Variants in PPP6R3 observed in about 807,000 individuals in gnomAD.
PPP6R3 encodes serine/threonine-protein phosphatase 6 regulatory subunit 3.
In PPP6R3, 38 loss-of-function variants were observed where a neutral mutation model predicts 110.7. The observed-to-expected ratio is 0.34, with a 90% CI of 0.26 to 0.45. The LOEUF is 0.45. PPP6R3 is among the 20% of genes least tolerant of loss of function. PPP6R3 has a pLI of 1.00. For synonymous variants in PPP6R3, 369 were observed against 373.5 expected, an observed-to-expected ratio of 0.99 and a Z score of 0.14; for missense variants, 870 against 1,062.4, an observed-to-expected ratio of 0.82 and a Z score of 2.52.
intron 19 of PPP6R3, among the ~76,000 whole-genome samples, chr11:68,599,614 C>CT (rs1566126020): frequency 1.3e-5 from 2 of 152,162 alleles, no homozygotes; most frequent in Non-Finnish European, 1.5e-5. Context: ...TCAACATGTT[C>CT]TTTTTTTAGA....
chr11:68,595,740 T>A (rs1385102798), intron 18 of PPP6R3, among the ~76,000 whole-genome samples: 1 of 152,202 alleles, frequency 6.6e-6, no homozygotes, highest in Non-Finnish European at 1.5e-5. Context: ...ACAGTTAAGA[T>A]ATAAGATGGC....
At position 68,596,194 on chromosome 11, in the gene PPP6R3, A is replaced by T; in HGVS notation, c.2014A>T (p.Lys672Ter). ...ACCCAGCAGTGCCAACACGGAGGATAAAATGGAGGTGGACCTGAGTGAACG... is the reference window on the plus strand; with the variant it reads ...ACCCAGCAGTGCCAACACGGAGGATTAAATGGAGGTGGACCTGAGTGAACG... ...FEPSSANTED[K>*]MEVDLSEPPN... The change falls in exon 19 of 24, where the codon AAA becomes TAA. Residue 672 changes from lysine to a stop codon, truncating the protein, a stop_gained. Coordinates refer to ENST00000393800, the MANE Select transcript of PPP6R3 (RefSeq NM_001164161.2). LOFTEE classifies it high-confidence loss of function. 6.2e-7 allele frequency: 1 copy of T among 1,614,260 alleles called. No homozygotes were observed. The highest frequency in any genetic ancestry group is 8.5e-7 in the Non-Finnish European group (1 of 1,180,042).
At chr11:68,575,360 A>G (rs1198857184) in intron 13 of PPP6R3, among the ~76,000 whole-genome samples, 1 of 152,178 alleles carries the variant, frequency 6.6e-6, no homozygotes, top group East Asian at 1.9e-4. Context: ...ACATTTCTCT[A>G]GAAGGTAGAA....
chr11:68,464,962 A>G (rs1434771178), intron 1 of PPP6R3, among the ~76,000 whole-genome samples: 1 of 150,810 alleles, frequency 6.6e-6, no homozygotes, highest in East Asian at 1.9e-4. Flanking sequence ...GCTCACTGCA[A>G]CCTCCGCCTC....
rs375718837 is a variant in PPP6R3 at position 68,551,440 on chromosome 11, G to A, written c.618+254G>A. On this transcript the variant is annotated intron_variant, in intron 6 of 23. Coordinates refer to ENST00000393800, the MANE Select transcript of PPP6R3 (RefSeq NM_001164161.2). ...CTCCTTTCTAGAGCCGGTATTTCAT[G>A]CTGAACCAGCTGGTTTTTGTACAAA... Among the ~76,000 whole-genome samples, 37 of 152,258 alleles carry A rather than the reference G, an allele frequency of 2.4e-4. 1 individual carries two copies. The South Asian group carries it at 6.4e-3, about 26-fold the overall frequency.
chr11:68,479,763 G>T (rs1247854560), intron 1 of PPP6R3, among the ~76,000 whole-genome samples: 1 of 151,048 alleles, frequency 6.6e-6, no homozygotes, highest in Non-Finnish European at 1.5e-5. Context: ...TTTTGAGACA[G>T]GTCCTTGCTC....
At chr11:68,513,438 T>TAAC (rs756457256) in intron 1 of PPP6R3, among the ~76,000 whole-genome samples, 38 of 152,184 alleles carry the variant, frequency 2.5e-4, no homozygotes, top group Non-Finnish European at 4.7e-4. Context: ...GATAAAAATG[T>TAAC]TAAAGTTAAT....
chr11:68,468,644 G>T (rs914366327), intron 1 of PPP6R3, among the ~76,000 whole-genome samples: 6 of 152,254 alleles, frequency 3.9e-5, no homozygotes, highest in Non-Finnish European at 8.8e-5. Context: ...CTGCTCTGCG[G>T]AAGTCAGGGT....
intron 1 of PPP6R3, among the ~76,000 whole-genome samples, chr11:68,499,333 G>T (rs2099036006): frequency 6.6e-6 from 1 of 152,156 alleles, no homozygotes; most frequent in African/African-American, 2.4e-5. Context: ...TCATTTACAT[G>T]CCTGGCAAGT....
chr11:68,581,116 C>G (rs1371394250), intron 14 of PPP6R3, among the ~76,000 whole-genome samples: 1 of 152,170 alleles, frequency 6.6e-6, no homozygotes, highest in Non-Finnish European at 1.5e-5. Context: ...ATTTCAGACT[C>G]AGATGGTGTA....
rs568890537 is a variant in PPP6R3 at position 68,582,650 on chromosome 11, A to G, written c.1546-393A>G. On this transcript the variant is annotated intron_variant, in intron 14 of 23. Coordinates refer to ENST00000393800, the MANE Select transcript of PPP6R3 (RefSeq NM_001164161.2). ...CGCACTGGTAATCCCTGGGGATTGC[A>G]GTTGGACCCTGCAGGCCCCGTACAT... 5.2e-5 allele frequency among the ~76,000 whole-genome samples: 8 copies of G among 152,384 alleles called. No homozygotes were observed. The South Asian group carries it at 6.2e-4, about 12-fold the overall frequency.
chr11:68,607,877 A>G (rs1457424767), intron 22 of PPP6R3, among the ~76,000 whole-genome samples: 3 of 152,036 alleles, frequency 2.0e-5, no homozygotes, highest in Non-Finnish European at 2.9e-5. Context: ...GAGCTCCAGC[A>G]GTCCTCCCAC....
chr11:68,511,496 T>TGTGTGTGTGTGTGTGTGTGTG (rs1565513209), intron 1 of PPP6R3, among the ~76,000 whole-genome samples: 2 of 75,958 alleles, frequency 2.6e-5, no homozygotes, highest in Non-Finnish European at 5.5e-5. Context: ...GTGTGTGTGT[T>TGTGTGTGTGTGTGTGTGTGTG]TTGAGTTGGA....
chr11:68,462,546 T>G (rs1012709450), intron 1 of PPP6R3, among the ~76,000 whole-genome samples: 16 of 152,084 alleles, frequency 1.1e-4, no homozygotes, highest in African/African-American at 3.9e-4. Flanking sequence ...TTAGTGTAAG[T>G]CCTCCTTGTT....
intron 5 of PPP6R3, among the ~76,000 whole-genome samples, chr11:68,550,008 G>A (rs1001119452): frequency 5.3e-5 from 8 of 152,050 alleles, no homozygotes; most frequent in African/African-American, 1.7e-4. Context: ...GGAATGCCCC[G>A]CCCCTCACAT....
At chr11:68,461,146 C>T (rs1484404209) in intron 1 of PPP6R3, among the ~76,000 whole-genome samples, 2 of 150,818 alleles carry the variant, frequency 1.3e-5, no homozygotes, top group Non-Finnish European at 3.0e-5. Flanking sequence ...AGGCGCGCCC[C>T]TGACCCGGCT....
At chr11:68,533,704 CAAA>C (rs58617776) in intron 2 of PPP6R3, among the ~76,000 whole-genome samples, 689 of 56,210 alleles carry the variant, frequency 0.012, 5 homozygotes, top group Non-Finnish European at 0.017. Context: ...GACCTTGTCT[CAAA>C]AAAAAAAAAA....
intron 1 of PPP6R3, among the ~76,000 whole-genome samples, chr11:68,466,137 G>GT (rs1202417041): frequency 6.6e-6 from 1 of 152,200 alleles, no homozygotes; most frequent in Non-Finnish European, 1.5e-5. Context: ...GGGAGGGGGT[G>GT]TTTCTCCTGC....
chr11:68,548,485 G>C (rs2099357981), intron 5 of PPP6R3, among the ~76,000 whole-genome samples: 1 of 152,142 alleles, frequency 6.6e-6, no homozygotes, highest in Admixed American at 6.6e-5. Context: ...GGGGTGGTGA[G>C]ACTTTATGGG....
Sources: gnomAD v4.1 joint callset for allele counts (sites outside exome capture counted in the v4.1 genomes callset) on GRCh38, gnomAD v4.1.1 for gene constraint, MANE v1.5 for transcripts, NCBI Gene and HGNC (gene_info 2026-07-23, HGNC 2026-07-21) for gene names.